The following CWH43 variants were observed in gnomAD, a reference collection of about 807,000 sequenced individuals.
CWH43 encodes PGAP2-interacting protein.
Under a neutral mutation model 85.7 loss-of-function variants are expected in CWH43, and 91 were observed. That is an observed-to-expected ratio of 1.06 (90% CI 0.90 to 1.26). The LOEUF (loss-of-function observed/expected upper bound fraction) is 1.26, where lower values mean the gene tolerates loss of function less well. Ranked by LOEUF, CWH43 falls within the 50% of genes most tolerant of loss-of-function variation. CWH43 has a pLI of 0.00. For missense variants in CWH43, 869 were observed against 839.2 expected, an observed-to-expected ratio of 1.04 and a Z score of -0.44; for synonymous variants, 323 against 293.6, an observed-to-expected ratio of 1.10 and a Z score of -1.02.
chr4:48,996,567 G>A (rs1391407745), intron 5 of CWH43, among the ~76,000 whole-genome samples: 1 of 152,152 alleles, frequency 6.6e-6, no homozygotes, highest in Non-Finnish European at 1.5e-5. Context: ...AGGAACAAAA[G>A]GCCAGAGAGG....
chr4:48,988,303 C>T (rs1306562964), intron 1 of CWH43, among the ~76,000 whole-genome samples, 174 bp from the exon 2 acceptor site: 1 of 152,196 alleles, frequency 6.6e-6, no homozygotes, highest in African/African-American at 2.4e-5. Context: ...GATCCCTACA[C>T]AGGTGTAGAG....
intron 6 of CWH43, among the ~76,000 whole-genome samples, chr4:49,002,049 T>C (rs1448631728): frequency 6.6e-6 from 1 of 152,046 alleles, no homozygotes; most frequent in Non-Finnish European, 1.5e-5. Flanking sequence ...ACTTGGCAAG[T>C]TTTCTGCAGG....
At chr4:49,018,042 G>C (rs1344762298) in intron 9 of CWH43, among the ~76,000 whole-genome samples, 1 of 151,448 alleles carries the variant, frequency 6.6e-6, no homozygotes, top group Non-Finnish European at 1.5e-5. Flanking sequence ...GTTTCACCAT[G>C]TTGGCCAGGA....
intron 6 of CWH43, among the ~76,000 whole-genome samples, chr4:49,003,265 C>T (rs1166877347): frequency 6.6e-6 from 1 of 152,120 alleles, no homozygotes; most frequent in African/African-American, 2.4e-5. Context: ...AGTCAATGTA[C>T]CTCTTGTAGG....
At chr4:49,041,189 C>A (rs1784449783) in intron 13 of CWH43, among the ~76,000 whole-genome samples, 1 of 152,184 alleles carries the variant, frequency 6.6e-6, no homozygotes, top group Admixed American at 6.6e-5. Context: ...ATGCTTCCAG[C>A]TTTGTTCTTT....
chr4:49,057,107 C>A (rs1036371567), intron 15 of CWH43, among the ~76,000 whole-genome samples: 13 of 152,170 alleles, frequency 8.5e-5, no homozygotes, highest in Non-Finnish European at 1.6e-4. Flanking sequence ...TGTGAACCCC[C>A]AAAATCTGAG....
chr4:49,025,651 T>G (rs1423832808), intron 9 of CWH43, among the ~76,000 whole-genome samples: 1 of 152,228 alleles, frequency 6.6e-6, no homozygotes, highest in Non-Finnish European at 1.5e-5. Context: ...GCAGAGCTAC[T>G]GGGCTCTGGG....
At chr4:49,041,537 T>C (rs984086326) in intron 13 of CWH43, among the ~76,000 whole-genome samples, 2 of 152,226 alleles carry the variant, frequency 1.3e-5, no homozygotes, top group Non-Finnish European at 2.9e-5. Context: ...ATGATTTGGC[T>C]CTCTGTTTGT....
chr4:49,000,318 C>A (rs932921197), intron 6 of CWH43, among the ~76,000 whole-genome samples: 1 of 152,140 alleles, frequency 6.6e-6, no homozygotes, highest in African/African-American at 2.4e-5. Flanking sequence ...ATGAGGTTGG[C>A]CAGGTCCTCT....
intron 12 of CWH43, among the ~76,000 whole-genome samples, chr4:49,034,286 TA>T (rs924516344): frequency 1.3e-5 from 2 of 152,166 alleles, no homozygotes; most frequent in South Asian, 2.1e-4. Context: ...GGTTTATCTT[TA>T]AAAAAAATAA....
At chr4:49,030,754 T>A in intron 10 of CWH43, 71 bp from the exon 11 acceptor site, 1 of 1,413,656 alleles carries the variant, frequency 7.1e-7, no homozygotes, top group Non-Finnish European at 9.4e-7. Context: ...GGGTCAAGAG[T>A]AAAGTGTTGC....
At chr4:49,000,953 T>C (rs1053125258) in intron 6 of CWH43, among the ~76,000 whole-genome samples, 11 of 152,206 alleles carry the variant, frequency 7.2e-5, no homozygotes, top group African/African-American at 2.7e-4. Context: ...CTGCAATAAG[T>C]TGGAGCTCAA....
chr4:49,012,790 T>TC (rs1783407233), intron 8 of CWH43, among the ~76,000 whole-genome samples: 1 of 152,186 alleles, frequency 6.6e-6, no homozygotes, highest in South Asian at 2.1e-4. Flanking sequence ...TGCCTGGGTA[T>TC]CACCAGTGGA....
intron 1 of CWH43, 116 bp downstream of exon 1, chr4:48,986,588 G>C (rs557253382): frequency 5.3e-6 from 8 of 1,515,430 alleles, no homozygotes; most frequent in Non-Finnish European, 7.1e-6. Flanking sequence ...GGCGCTCCGT[G>C]CCCAGAGTGG....
chr4:49,007,195 T>A lies in CWH43; in HGVS notation c.1061-6T>A. ...TATAACATATTCTTTCTTTCTCTTA[T>A]AACAGGGACAATGATGTTAATTATC... On this transcript the variant is annotated splice_region_variant and splice_polypyrimidine_tract_variant and intron_variant, in intron 7 of 15. Coordinates refer to ENST00000226432, the MANE Select transcript of CWH43 (RefSeq NM_025087.3). The A allele has an allele frequency of 6.2e-7, 1 of 1,604,012 alleles. No homozygotes were observed. Among genetic ancestry groups the A allele is most frequent in the Non-Finnish European group, 8.5e-7 (1 of 1,176,792 alleles).
intron 9 of CWH43, among the ~76,000 whole-genome samples, chr4:49,019,163 T>C (rs1162429251): frequency 1.3e-5 from 2 of 152,234 alleles, no homozygotes; most frequent in Non-Finnish European, 2.9e-5. Flanking sequence ...GTTTGCATTC[T>C]AGTAGGGGAG....
chr4:49,061,549 C>A (rs1318562350), intron 15 of CWH43, among the ~76,000 whole-genome samples: 1 of 152,086 alleles, frequency 6.6e-6, no homozygotes, highest in Non-Finnish European at 1.5e-5. Flanking sequence ...ATTATTCAAA[C>A]TCAAGATGAA....
chr4:49,033,804 A>C (rs1041724061), intron 12 of CWH43, among the ~76,000 whole-genome samples: 9 of 152,248 alleles, frequency 5.9e-5, no homozygotes, highest in Admixed American at 1.3e-4. Context: ...TTTAAACATG[A>C]ATATAAAGAG....
intron 2 of CWH43, among the ~76,000 whole-genome samples, chr4:48,990,168 A>C (rs2109739309): frequency 6.6e-6 from 1 of 152,314 alleles, no homozygotes; most frequent in African/African-American, 2.4e-5. Flanking sequence ...ATATAAAATA[A>C]GTTTGGGGTA....
Sources: gnomAD v4.1 joint callset for allele counts (sites outside exome capture counted in the v4.1 genomes callset) on GRCh38, gnomAD v4.1.1 for gene constraint, MANE v1.5 for transcripts, NCBI Gene and HGNC (gene_info 2026-07-23, HGNC 2026-07-21) for gene names.